PCDHGA3: variants seen among roughly 807,000 people sequenced by gnomAD.
PCDHGA3 encodes protocadherin gamma subfamily A, 3.
Under a neutral mutation model 58.5 loss-of-function variants are expected in PCDHGA3, and 40 were observed. The ratio of observed to expected loss-of-function variants is 0.68; its 90% CI spans 0.53 to 0.89. The LOEUF is 0.89. PCDHGA3 is among the 40% of genes least tolerant of loss of function. The probability of loss-of-function intolerance (pLI) is 0.00; values close to 1 mark genes in which losing one functional copy is unlikely to be tolerated. For missense variants in PCDHGA3, 1,223 were observed against 1,195.9 expected (o/e 1.02, Z -0.33); for synonymous variants, 530 against 525.7 (o/e 1.01, Z -0.11).
intron 1 of PCDHGA3, chr5:141,384,638 G>A: frequency 1.2e-6 from 2 of 1,614,188 alleles, no homozygotes; most frequent in Non-Finnish European, 8.5e-7. Flanking sequence ...CTGGCACCCC[G>A]CTCCGCAGAG....
chr5:141,502,825 G>A (rs1487995525), intron 2 of PCDHGA3, among the ~76,000 whole-genome samples: 4 of 151,216 alleles, frequency 2.6e-5, no homozygotes, highest in South Asian at 2.1e-4. Flanking sequence ...TTTCCTTGGG[G>A]AAGCCTGGAC....
chr5:141,359,893 T>C, intron 1 of PCDHGA3: 1 of 393,452 alleles, frequency 2.5e-6, no homozygotes, highest in Non-Finnish European at 4.5e-6. Flanking sequence ...TTAGCAAATA[T>C]TGACAAGCCA....
Position 141,418,614 on chromosome 5 carries a change from G to A in PCDHGA3, c.2424+72157G>A, listed in dbSNP as rs777074200. ...CAGGACGTGTACAGGGTTAGCCTTC[G>A]GGAAGACGTGCCTCCAGGCACCTCC... is the stretch of plus-strand genomic sequence containing the variant. On this transcript the variant is annotated intron_variant, in intron 1 of 3. Transcript: ENST00000253812. The A allele has an allele frequency of 5.0e-6, 8 of 1,613,876 alleles. No homozygotes were observed. In the East Asian group the frequency reaches 1.1e-4, roughly 22 times the overall value.
Position 141,362,113 on chromosome 5 carries a change from C to T in PCDHGA3, c.2424+15656C>T, listed in dbSNP as rs769104675. ...GCCGCCACTCTCCGCTACGGCCACG[C>T]TGCACCTAATCTTCGCGGATAGCCT... On this transcript the variant is annotated intron_variant, in intron 1 of 3. Coordinates refer to ENST00000253812, the MANE Select transcript of PCDHGA3 (RefSeq NM_018916.4). 2.5e-6 allele frequency: 4 copies of T among 1,614,018 alleles called. No individual in the cohort carries two copies. In the Admixed American group the frequency reaches 6.7e-5, roughly 27 times the overall value.
intron 1 of PCDHGA3, chr5:141,351,101 T>C (rs765433940): frequency 6.2e-7 from 1 of 1,613,996 alleles, no homozygotes; most frequent in Non-Finnish European, 8.5e-7. Context: ...CTTCCTCAAT[T>C]CCCCAATAAG....
Position 141,486,316 on chromosome 5 carries a change from A to G in PCDHGA3, c.2425-8491A>G, listed in dbSNP as rs1251956899. The G allele has an allele frequency of 6.2e-7, 1 of 1,614,066 alleles. No individual in the cohort carries two copies. On this transcript the variant is annotated intron_variant, in intron 1 of 3. Transcript: ENST00000253812. This position sits in a 1 kb window ranked among gnomAD's most constrained non-coding sequence, Gnocchi z 5.0. ...GTGTGCAGGATCCAGACTCAGGGTC[A>G]AACGGAGATGTGAGCCTCCGCATTC...
chr5:141,456,875 A>C (rs2098894225), intron 1 of PCDHGA3, among the ~76,000 whole-genome samples: 1 of 152,190 alleles, frequency 6.6e-6, no homozygotes, highest in African/African-American at 2.4e-5. Context: ...AGGCAGGAGA[A>C]TCGCTTGAAC....
chr5:141,364,876 G>C (rs1763590066), intron 1 of PCDHGA3: 1 of 1,613,964 alleles, frequency 6.2e-7, no homozygotes. Flanking sequence ...CTCTGGATGT[G>C]GTAAGCGGAA....
Position 141,491,722 on chromosome 5 carries a change from C to G in PCDHGA3, c.2425-3085C>G, listed in dbSNP as rs1276921909. ...CCAGGTGAGGGGCTCGGCGCCGCCC[C>G]GGGCGACCCCTGGGGGCGGCACTGG... On this transcript the variant is annotated intron_variant, in intron 1 of 3. Transcript: ENST00000253812. This position sits in a 1 kb window ranked among gnomAD's most constrained non-coding sequence, Gnocchi z 6.9. 2 of 1,607,004 alleles carry G rather than the reference C, an allele frequency of 1.2e-6. No homozygotes were observed. The highest frequency in any genetic ancestry group is 1.7e-5 in the Admixed American group (1 of 58,788).
At chr5:141,348,897 T>C (rs1423710494) in intron 1 of PCDHGA3, among the ~76,000 whole-genome samples, 1 of 152,158 alleles carries the variant, frequency 6.6e-6, no homozygotes, top group African/African-American at 2.4e-5. Context: ...TGGTAATGCA[T>C]TTGAAATAAA....
At chr5:141,478,723 A>C in intron 1 of PCDHGA3, 16 of 1,543,220 alleles carry the variant, frequency 1.0e-5, no homozygotes, top group Non-Finnish European at 1.3e-5. Flanking sequence ...GTGGCCTGCC[A>C]GAGTGTGGTT....
Position 141,345,916 on chromosome 5 carries a change from C to T in PCDHGA3, c.1883C>T (p.Thr628Met), listed in dbSNP as rs1180823265. 4 of 1,613,304 alleles carry T rather than the reference C, an allele frequency of 2.5e-6. No homozygotes were observed. Among genetic ancestry groups the T allele is most frequent in the East Asian group, 2.2e-5 (1 of 44,850 alleles). Residue 628 changes from threonine to methionine, a missense_variant, in exon 1 of 4, where the codon ACG becomes ATG. Thr to Met is a moderately conservative substitution (Grantham distance 81). Transcript: ENST00000253812. ...GGTCTGCACACGGGCGAGGTGCGCA[C>T]GGCGCGAGCCCTGCTGGACAGAGAC... Reference protein sequence around the residue: ...SVGLHTGEVRTARALLDRDAL... With the variant: ...SVGLHTGEVRMARALLDRDAL...
chr5:141,476,306 C>T lies in PCDHGA3; in HGVS notation c.2425-18501C>T, dbSNP rs1011265476. The T allele has an allele frequency of 1.2e-6, 2 of 1,613,464 alleles. No homozygotes were observed. Among genetic ancestry groups the T allele is most frequent in the African/African-American group, 2.7e-5 (2 of 74,688 alleles). On this transcript the variant is annotated intron_variant, in intron 1 of 3. Transcript: ENST00000253812. The surrounding 1 kb of genome is among the most constrained non-coding windows in gnomAD (Gnocchi z 7.6). ...TTTGGATCTCGGTAGCCTCTCAGCCCGCAGGTTCCGGGTGGTGTCTGGAGC... is the reference window on the plus strand; with the variant it reads ...TTTGGATCTCGGTAGCCTCTCAGCCTGCAGGTTCCGGGTGGTGTCTGGAGC...
At chr5:141,436,042 T>A (rs1246680632) in intron 1 of PCDHGA3, among the ~76,000 whole-genome samples, 4 of 152,182 alleles carry the variant, frequency 2.6e-5, no homozygotes, top group Non-Finnish European at 5.9e-5. Context: ...TGTATTTACA[T>A]TAGTTTTCAA....
chr5:141,355,809 G>C, intron 1 of PCDHGA3: 1 of 1,613,206 alleles, frequency 6.2e-7, no homozygotes, highest in Non-Finnish European at 8.5e-7. Flanking sequence ...TAGATCGCGA[G>C]GAAGAGGCGG....
In PCDHGA3 at chr5:141,490,275, C is replaced by A; in HGVS notation, c.2425-4532C>A. 6.2e-7 allele frequency: 1 copy of A among 1,614,238 alleles called. No individual in the cohort carries two copies. The highest frequency in any genetic ancestry group is 8.5e-7 in the Non-Finnish European group (1 of 1,180,044). On this transcript the variant is annotated intron_variant, in intron 1 of 3. Transcript: ENST00000253812. The surrounding 1 kb of genome is among the most constrained non-coding windows in gnomAD (Gnocchi z 5.4). Reference sequence around the variant, plus strand: ...AAGTGGATGTGGGGGATGTCAATGACAATGCCCCAGAGGTGCTATTGGCCT... The same window carrying A: ...AAGTGGATGTGGGGGATGTCAATGAAAATGCCCCAGAGGTGCTATTGGCCT...
intron 1 of PCDHGA3, chr5:141,409,152 T>C: frequency 6.2e-7 from 1 of 1,613,988 alleles, no homozygotes; most frequent in Non-Finnish European, 8.5e-7. Context: ...AGGTACACCA[T>C]GGAAGTGGAA....
intron 1 of PCDHGA3, chr5:141,427,212 C>T (rs2097000434): frequency 4.4e-6 from 2 of 456,702 alleles, no homozygotes; most frequent in Non-Finnish European, 8.8e-6. Flanking sequence ...CTTCGAATTT[C>T]GTAGCAGTTA....
intron 3 of PCDHGA3, among the ~76,000 whole-genome samples, chr5:141,509,880 T>C (rs1475661741): frequency 6.6e-6 from 1 of 152,184 alleles, no homozygotes; most frequent in African/African-American, 2.4e-5. Flanking sequence ...CTGGTGGTGA[T>C]GGTGACTGAC....
Sources: gnomAD v4.1 joint callset for allele counts (sites outside exome capture counted in the v4.1 genomes callset) on GRCh38, gnomAD v4.1.1 for gene constraint, Gnocchi (gnomAD v3.1) non-coding constraint, MANE v1.5 for transcripts, NCBI Gene and HGNC (gene_info 2026-07-23, HGNC 2026-07-21) for gene names.